Variants in OR10J1 observed in about 807,000 individuals in gnomAD.
OR10J1 encodes the protein olfactory receptor family 10 subfamily J member 1.
For synonymous variants in OR10J1, 202 were observed against 143.8 expected, an observed-to-expected ratio of 1.40 and a Z score of -2.89; for missense variants, 474 against 376.6, an observed-to-expected ratio of 1.26 and a Z score of -2.14.
the OR10J1 span, among the ~76,000 whole-genome samples, chr1:159,423,682 C>T: frequency 6.6e-6 from 1 of 152,184 alleles, no homozygotes; most frequent in Non-Finnish European, 1.5e-5. Context: ...TTCCTCCAGT[C>T]TCCTTTTCCT....
At chr1:159,400,255 C>G in the OR10J1 span, among the ~76,000 whole-genome samples, 1 of 151,816 alleles carries the variant, frequency 6.6e-6, no homozygotes, top group Admixed American at 6.6e-5. Context: ...TGCGAATGGA[C>G]TAAACTCTCC....
At chr1:159,420,985 T>C in the OR10J1 span, among the ~76,000 whole-genome samples, 1 of 152,286 alleles carries the variant, frequency 6.6e-6, no homozygotes, top group Admixed American at 6.5e-5. Flanking sequence ...TTTCATTAAA[T>C]AGGTTTCTAA....
At chr1:159,404,323 C>G in the OR10J1 span, among the ~76,000 whole-genome samples, 143 of 152,148 alleles carry the variant, frequency 9.4e-4, 2 homozygotes, top group African/African-American at 2.1e-3. Flanking sequence ...TGTCTTCCAC[C>G]TTTTAGACAA....
chr1:159,438,840 C>G (rs1655816981), upstream of OR10J1, among the ~76,000 whole-genome samples: 2 of 152,072 alleles, frequency 1.3e-5, no homozygotes, highest in Admixed American at 1.3e-4. Context: ...GAACTGATCC[C>G]CTTCCTTCAA....
chr1:159,408,730 A>G, the OR10J1 span, among the ~76,000 whole-genome samples: 2 of 152,256 alleles, frequency 1.3e-5, no homozygotes, highest in Middle Eastern at 3.4e-3. Flanking sequence ...TACTTAACTC[A>G]TAAGAATATT....
At chr1:159,422,881 C>T in the OR10J1 span, among the ~76,000 whole-genome samples, 2 of 152,134 alleles carry the variant, frequency 1.3e-5, no homozygotes, top group Non-Finnish European at 2.9e-5. Flanking sequence ...CTTCAGGCTG[C>T]CAGCAGATCC....
chr1:159,409,991 G>A, the OR10J1 span, among the ~76,000 whole-genome samples: 1 of 152,034 alleles, frequency 6.6e-6, no homozygotes, highest in African/African-American at 2.4e-5. Flanking sequence ...TTTATATGCT[G>A]GATTACATTT....
chr1:159,419,615 T>C, the OR10J1 span, among the ~76,000 whole-genome samples: 1 of 152,230 alleles, frequency 6.6e-6, no homozygotes, highest in Non-Finnish European at 1.5e-5. Context: ...AGCATGTTGC[T>C]TAAATTACAT....
chr1:159,407,790 A>G, the OR10J1 span, among the ~76,000 whole-genome samples: 1 of 152,136 alleles, frequency 6.6e-6, no homozygotes, highest in Admixed American at 6.6e-5. Flanking sequence ...TCTTATTCCC[A>G]TACTATGTGT....
At chr1:159,415,922 G>GT in the OR10J1 span, among the ~76,000 whole-genome samples, 16,697 of 150,852 alleles carry the variant, frequency 0.11, 1,144 homozygotes, top group Admixed American at 0.15. Context: ...TTTATTCCTA[G>GT]TTTTTTTTCA....
At chr1:159,401,668 A>G in the OR10J1 span, among the ~76,000 whole-genome samples, 2 of 151,958 alleles carry the variant, frequency 1.3e-5, no homozygotes, top group Non-Finnish European at 2.9e-5. Flanking sequence ...TCTACCAAAC[A>G]TTTAAAAAAC....
At chr1:159,403,662 G>T in the OR10J1 span, among the ~76,000 whole-genome samples, 2 of 152,106 alleles carry the variant, frequency 1.3e-5, no homozygotes, top group African/African-American at 4.8e-5. Flanking sequence ...GCACACAGCT[G>T]GTGTGAATGT....
upstream of OR10J1, chr1:159,439,659 C>A: frequency 9.5e-7 from 1 of 1,056,884 alleles, no homozygotes; most frequent in Non-Finnish European, 1.4e-6. Flanking sequence ...TAACTTAATC[C>A]ACTAGGAAAT....
chr1:159,398,634 G>A, the OR10J1 span, among the ~76,000 whole-genome samples: 1 of 152,100 alleles, frequency 6.6e-6, no homozygotes. Context: ...ATGCATAAGA[G>A]TCCTTCAATA....
chr1:159,439,740 C>T lies in OR10J1; in HGVS notation c.-52C>T, dbSNP rs770606743. ...TCAGAAATGTGCTTCTACTGCTTTA[C>T]TGGGACTATGTGACTTTTATGCTTT... is the stretch of plus-strand genomic sequence containing the variant. On this transcript the variant is annotated 5_prime_UTR_variant, in exon 1 of 1. Transcript: ENST00000423932. 7.5e-6 allele frequency: 12 copies of T among 1,608,610 alleles called. No individual in the cohort carries two copies. The highest frequency in any genetic ancestry group is 2.2e-5 in the East Asian group (1 of 44,816).
At chr1:159,419,172 G>GGA in the OR10J1 span, among the ~76,000 whole-genome samples, 1 of 152,132 alleles carries the variant, frequency 6.6e-6, no homozygotes, top group Non-Finnish European at 1.5e-5. Context: ...AAGACTTTGT[G>GGA]GAGCTGTTGG....
rs1433454964 is a variant in OR10J1 at position 159,439,923 on chromosome 1, CATT to C, written c.133_135del (p.Ile45del). On this transcript the variant is annotated inframe_deletion, in exon 1 of 1. Transcript: ENST00000423932. ...TCTTAACCTTAGCAGGCAATATCAT[CATT>C]GTGACCATCATCCGAATGGATCTTC... 5.0e-6 allele frequency: 8 copies of C among 1,614,008 alleles called. No homozygotes were observed. In the African/African-American group the frequency reaches 9.3e-5, roughly 19 times the overall value.
At chr1:159,405,529 G>C in the OR10J1 span, 1 of 312,872 alleles carries the variant, frequency 3.2e-6, no homozygotes. Context: ...CAGCAGGGGA[G>C]TGATAATGGT....
At chr1:159,414,169 G>T in the OR10J1 span, among the ~76,000 whole-genome samples, 1 of 151,920 alleles carries the variant, frequency 6.6e-6, no homozygotes, top group African/African-American at 2.4e-5. Context: ...ACCCTAACCT[G>T]CTGTGGACCA....
Sources: gnomAD v4.1 joint callset for allele counts (sites outside exome capture counted in the v4.1 genomes callset) on GRCh38, gnomAD v4.1.1 for gene constraint, MANE v1.5 for transcripts, NCBI Gene and HGNC (gene_info 2026-07-23, HGNC 2026-07-21) for gene names.